DPP10: variants seen among roughly 807,000 people sequenced by gnomAD.
DPP10 encodes dipeptidyl peptidase like 10.
In DPP10, 33 loss-of-function variants were observed where a neutral mutation model predicts 120.9. The ratio of observed to expected loss-of-function variants is 0.27; its 90% CI spans 0.21 to 0.37. The LOEUF is 0.37. Ranked by LOEUF, DPP10 falls within the 10% of genes least tolerant of loss-of-function variation. DPP10 has a pLI of 1.00. For synonymous variants in DPP10, 337 were observed against 326.1 expected, an observed-to-expected ratio of 1.03 and a Z score of -0.36; for missense variants, 816 against 942.8, an observed-to-expected ratio of 0.87 and a Z score of 1.76.
At chr2:114,456,447 G>C (rs1056154752) in intron 1 of DPP10, among the ~76,000 whole-genome samples, 1 of 152,126 alleles carries the variant, frequency 6.6e-6, no homozygotes, top group Non-Finnish European at 1.5e-5. Context: ...ATCAGGGTAA[G>C]AATATTAACA....
chr2:115,372,148 A>C (rs2065454148), intron 3 of DPP10, among the ~76,000 whole-genome samples: 2 of 152,044 alleles, frequency 1.3e-5, no homozygotes, highest in African/African-American at 4.8e-5. Context: ...AATTTTGTTG[A>C]TTATAGTTTA....
intron 19 of DPP10, among the ~76,000 whole-genome samples, chr2:115,800,818 T>C (rs1391874197): frequency 6.6e-6 from 1 of 152,200 alleles, no homozygotes; most frequent in African/African-American, 2.4e-5. Flanking sequence ...ACGAGTACCA[T>C]GCTGTTTTGG....
At position 115,309,338 on chromosome 2, in the gene DPP10, A is replaced by G. The variant is rs1384367785; in HGVS notation, c.160A>G (p.Ile54Val). The change falls in exon 2 of 26, where the codon ATC (isoleucine) becomes GTC (valine). Residue 54 changes from isoleucine to valine, a missense_variant. By Grantham distance (29) the Ile-to-Val change is conservative (BLOSUM62 3). Transcript: ENST00000410059. The stretch of plus-strand genomic sequence containing the variant: ...ATGCTCACTCATCACTATGTCAGTC[A>G]TCCTCTTAACCCCAGGTAATCTGTC... ...VVCSLITMSV[I>V]LLTPDELTNS... is the part of the protein sequence containing the mutation. The G allele has an allele frequency of 1.9e-6, 3 of 1,613,364 alleles. No individual in the cohort carries two copies. The African/African-American group carries it at 4.0e-5, about 22-fold the overall frequency.
At chr2:114,449,038 T>C (rs1354135259) in intron 1 of DPP10, among the ~76,000 whole-genome samples, 1 of 152,200 alleles carries the variant, frequency 6.6e-6, no homozygotes, top group African/African-American at 2.4e-5. Flanking sequence ...TGGCTTTTGA[T>C]GGTTTTGTTC....
intron 1 of DPP10, among the ~76,000 whole-genome samples, chr2:114,502,541 G>A (rs980955807): frequency 6.6e-6 from 1 of 152,188 alleles, no homozygotes; most frequent in Non-Finnish European, 1.5e-5. Flanking sequence ...TAAGTAATAA[G>A]TCACTTGTCA....
chr2:115,404,002 T>C (rs1238209700), intron 3 of DPP10, among the ~76,000 whole-genome samples: 5 of 152,242 alleles, frequency 3.3e-5, no homozygotes, highest in South Asian at 4.1e-4. Context: ...ACAATAGCAA[T>C]AAAAAAGTTA....
At chr2:114,701,068 A>G (rs772502735) in intron 1 of DPP10, among the ~76,000 whole-genome samples, 6 of 152,038 alleles carry the variant, frequency 3.9e-5, no homozygotes, top group Non-Finnish European at 8.8e-5. Context: ...CTTGGTTAGG[A>G]CCTGAAAACC....
intron 5 of DPP10, among the ~76,000 whole-genome samples, chr2:115,629,282 G>C (rs1219346422): frequency 6.6e-6 from 1 of 152,082 alleles, no homozygotes; most frequent in Non-Finnish European, 1.5e-5. Flanking sequence ...ACATACGTGT[G>C]CATGTGTCTT....
chr2:114,643,935 A>T (rs181794041), intron 1 of DPP10, among the ~76,000 whole-genome samples: 9,325 of 130,028 alleles, frequency 0.072, 536 homozygotes, highest in East Asian at 0.13. Flanking sequence ...ATATATATAT[A>T]TTTTTTTTTT....
chr2:115,213,569 C>T (rs769337203), intron 1 of DPP10, among the ~76,000 whole-genome samples: 1 of 152,084 alleles, frequency 6.6e-6, no homozygotes. Context: ...TCCTCTGACA[C>T]TATTTTTCTA....
intron 1 of DPP10, among the ~76,000 whole-genome samples, chr2:115,122,682 C>G (rs1007900278): frequency 3.0e-4 from 45 of 152,232 alleles, no homozygotes; most frequent in African/African-American, 1.1e-3. Context: ...AGCACAAGAC[C>G]ATTTCAGAAT....
chr2:115,517,734 A>G (rs1315025564), intron 4 of DPP10, among the ~76,000 whole-genome samples: 1 of 152,184 alleles, frequency 6.6e-6, no homozygotes, highest in East Asian at 1.9e-4. Flanking sequence ...GCTGCAATTA[A>G]TCCAATTCAA....
intron 1 of DPP10, among the ~76,000 whole-genome samples, chr2:114,978,915 T>C (rs11123265): frequency 0.26 from 38,975 of 152,058 alleles, 5,072 homozygotes; most frequent in East Asian, 0.36. Context: ...TAACACACTG[T>C]TGACATTTTC....
chr2:114,700,204 G>C (rs1358922786), intron 1 of DPP10, among the ~76,000 whole-genome samples: 1 of 152,000 alleles, frequency 6.6e-6, no homozygotes, highest in Non-Finnish European at 1.5e-5. Context: ...TCCAGGCAGG[G>C]GGGAAAGCAA....
intron 1 of DPP10, among the ~76,000 whole-genome samples, chr2:115,250,880 A>G (rs988410696): frequency 2.6e-5 from 4 of 152,206 alleles, no homozygotes; most frequent in Non-Finnish European, 5.9e-5. Flanking sequence ...GTAAAATGAC[A>G]ACAGCATATA....
At chr2:115,444,773 G>A (rs538158610) in intron 3 of DPP10, among the ~76,000 whole-genome samples, 144 of 152,246 alleles carry the variant, frequency 9.5e-4, no homozygotes, top group African/African-American at 3.3e-3. Flanking sequence ...GCAAACATAT[G>A]TACACTTTCT....
At chr2:114,715,384 C>T (rs1333331061) in intron 1 of DPP10, among the ~76,000 whole-genome samples, 2 of 151,926 alleles carry the variant, frequency 1.3e-5, no homozygotes, top group African/African-American at 4.8e-5. Context: ...TTCAAATAAG[C>T]AAGGATCATC....
At chr2:114,990,933 A>T (rs952501062) in intron 1 of DPP10, among the ~76,000 whole-genome samples, 1 of 152,160 alleles carries the variant, frequency 6.6e-6, no homozygotes, top group African/African-American at 2.4e-5. Flanking sequence ...ATAGGCTTTT[A>T]CTGGCACTTA....
At chr2:115,774,194 T>A (rs1681810528) in intron 13 of DPP10, among the ~76,000 whole-genome samples, 1 of 122,668 alleles carries the variant, frequency 8.2e-6, no homozygotes, top group African/African-American at 3.0e-5. Flanking sequence ...ATCTCATTTG[T>A]CTTTAAAACA....
Sources: allele counts gnomAD v4.1 joint callset (sites outside exome capture counted in the v4.1 genomes callset), GRCh38; gene constraint gnomAD v4.1.1; transcripts MANE v1.5; gene names NCBI Gene and HGNC (gene_info 2026-07-23, HGNC 2026-07-21).